Variants in FGGY observed in about 807,000 individuals in gnomAD.
FGGY encodes the protein FGGY carbohydrate kinase domain-containing protein.
FGGY carries 72 observed loss-of-function variants against 71.3 expected under a neutral mutation model. The observed-to-expected ratio is 1.01, with a 90% confidence interval of 0.84 to 1.23. The LOEUF (loss-of-function observed/expected upper bound fraction) is 1.23. Ranked by LOEUF, FGGY falls within the 50% of genes most tolerant of loss-of-function variation. The pLI is 0.00. For synonymous variants in FGGY, 251 were observed against 250.3 expected, an observed-to-expected ratio of 1.00 and a Z score of -0.02; for missense variants, 668 against 682.3, an observed-to-expected ratio of 0.98 and a Z score of 0.23.
intron 4 of FGGY, among the ~76,000 whole-genome samples, chr1:59,348,389 G>C (rs1182399977): frequency 6.6e-6 from 1 of 152,136 alleles, no homozygotes; most frequent in African/African-American, 2.4e-5. Flanking sequence ...GCAATCTCTG[G>C]TCAAAGCACT....
chr1:59,445,101 GTACA>G (rs1397869035), intron 5 of FGGY, among the ~76,000 whole-genome samples: 3 of 152,126 alleles, frequency 2.0e-5, no homozygotes, highest in African/African-American at 7.2e-5. Flanking sequence ...TCTGTGCCTG[GTACA>G]TAGTAAGAGC....
At chr1:59,710,062 C>T (rs555347504) in intron 14 of FGGY, among the ~76,000 whole-genome samples, 1 of 152,296 alleles carries the variant, frequency 6.6e-6, no homozygotes, top group East Asian at 1.9e-4. Context: ...ACCCTGCCAC[C>T]AACTCACAGA....
At chr1:59,526,519 C>T (rs2094985199) in intron 7 of FGGY, among the ~76,000 whole-genome samples, 1 of 152,182 alleles carries the variant, frequency 6.6e-6, no homozygotes, top group Admixed American at 6.5e-5. Context: ...AATCCTAATA[C>T]AACTTGCATA....
intron 14 of FGGY, 40 bp downstream of exon 14, chr1:59,674,173 G>T (rs2097411927): frequency 2.7e-6 from 4 of 1,494,974 alleles, no homozygotes; most frequent in Non-Finnish European, 3.7e-6. Flanking sequence ...CTCCTCCCCT[G>T]TCTGAGGCCA....
intron 5 of FGGY, among the ~76,000 whole-genome samples, chr1:59,424,132 A>T (rs544680120): frequency 1.3e-5 from 2 of 152,382 alleles, no homozygotes; most frequent in East Asian, 3.9e-4. Context: ...TAATCAATGC[A>T]TGAAGATGTG....
intron 5 of FGGY, among the ~76,000 whole-genome samples, chr1:59,442,015 G>A (rs941845629): frequency 1.3e-5 from 2 of 152,094 alleles, no homozygotes; most frequent in Admixed American, 6.6e-5. Flanking sequence ...AATATTCCCA[G>A]GTAGAGTTGC....
intron 2 of FGGY, among the ~76,000 whole-genome samples, chr1:59,331,154 A>G (rs1228063625): frequency 6.6e-6 from 1 of 152,180 alleles, no homozygotes; most frequent in African/African-American, 2.4e-5. Context: ...AGGCAGGCGT[A>G]ACTGGACTTG....
intron 5 of FGGY, among the ~76,000 whole-genome samples, chr1:59,400,087 T>A (rs2061762896): frequency 6.6e-6 from 1 of 152,218 alleles, no homozygotes; most frequent in Non-Finnish European, 1.5e-5. Context: ...ATTAATACAT[T>A]TTTGGTACCA....
At chr1:59,612,296 T>A (rs1254502006) in intron 9 of FGGY, among the ~76,000 whole-genome samples, 1 of 152,182 alleles carries the variant, frequency 6.6e-6, no homozygotes, top group Non-Finnish European at 1.5e-5. Flanking sequence ...ACAGCTGATC[T>A]CTCGGCAGAA....
chr1:59,516,311 C>T (rs150253416), intron 7 of FGGY, among the ~76,000 whole-genome samples: 11 of 152,274 alleles, frequency 7.2e-5, no homozygotes, highest in African/African-American at 1.2e-4. Context: ...TGAGTGAATG[C>T]AACCTGTCAG....
At chr1:59,637,191 G>A (rs79036205) in intron 10 of FGGY, among the ~76,000 whole-genome samples, 61 of 152,262 alleles carry the variant, frequency 4.0e-4, no homozygotes, top group East Asian at 1.4e-3. Context: ...CCATTTTACC[G>A]AGCTAGGAGA....
intron 1 of FGGY, among the ~76,000 whole-genome samples, chr1:59,317,934 GTC>G (rs1338501065): frequency 2.0e-5 from 3 of 152,188 alleles, no homozygotes; most frequent in Non-Finnish European, 4.4e-5. Context: ...GGAAGGGTCA[GTC>G]TCTGAAGATG....
intron 8 of FGGY, among the ~76,000 whole-genome samples, chr1:59,575,482 G>T (rs1349655063): frequency 3.3e-5 from 5 of 152,046 alleles, no homozygotes; most frequent in African/African-American, 9.7e-5. Flanking sequence ...TTGAATCTAT[G>T]GCACATTTTC....
At chr1:59,412,549 G>C (rs960617313) in intron 5 of FGGY, among the ~76,000 whole-genome samples, 2 of 152,048 alleles carry the variant, frequency 1.3e-5, no homozygotes, top group Admixed American at 1.3e-4. Flanking sequence ...TGGGTCTGCT[G>C]TCTCGGGGAC....
rs147214509 is a variant in FGGY at position 59,352,403 on chromosome 1, T to G, written c.465+6005T>G. Reference sequence around the variant, plus strand: ...TCAGCAGAGCAGAAAGCTAATCATTTTATAGTTTGAGATTTTTCTTGCTTA... The same window carrying G: ...TCAGCAGAGCAGAAAGCTAATCATTGTATAGTTTGAGATTTTTCTTGCTTA... On this transcript the variant is annotated intron_variant, in intron 4 of 15. Transcript: ENST00000303721. Among the ~76,000 whole-genome samples, 31 of 152,310 alleles carry G rather than the reference T, an allele frequency of 2.0e-4. No homozygotes were observed. In the East Asian group the frequency reaches 5.8e-3, roughly 28 times the overall value.
At chr1:59,412,844 T>G (rs2063798999) in intron 5 of FGGY, among the ~76,000 whole-genome samples, 2 of 152,198 alleles carry the variant, frequency 1.3e-5, no homozygotes, top group East Asian at 3.8e-4. Flanking sequence ...ACGTGGGGCC[T>G]GGCATTGGGA....
intron 4 of FGGY, among the ~76,000 whole-genome samples, chr1:59,359,629 G>A (rs890843876): frequency 6.6e-6 from 1 of 152,188 alleles, no homozygotes; most frequent in Non-Finnish European, 1.5e-5. Context: ...AGGCTTGTCT[G>A]TTCATCCAGA....
intron 7 of FGGY, among the ~76,000 whole-genome samples, chr1:59,528,003 A>G (rs1473776064): frequency 6.6e-6 from 1 of 152,098 alleles, no homozygotes; most frequent in Non-Finnish European, 1.5e-5. Context: ...CACCACCACA[A>G]CTCATTCTGA....
intron 5 of FGGY, among the ~76,000 whole-genome samples, chr1:59,439,813 C>T (rs755105097): frequency 2.0e-5 from 3 of 152,092 alleles, no homozygotes; most frequent in Non-Finnish European, 4.4e-5. Context: ...TATTTCCAAA[C>T]CATTGAATAC....
Sources: allele counts gnomAD v4.1 joint callset (sites outside exome capture counted in the v4.1 genomes callset), GRCh38; gene constraint gnomAD v4.1.1; transcripts MANE v1.5; gene names NCBI Gene and HGNC (gene_info 2026-07-23, HGNC 2026-07-21).